The following COL12A1 variants were observed in gnomAD, a reference collection of about 807,000 sequenced individuals.
COL12A1 encodes collagen type XII alpha 1 chain, also known as collagen alpha-1(XII) chain.
COL12A1 carries 114 observed loss-of-function variants against 349.7 expected under a neutral mutation model. That is an observed-to-expected ratio of 0.33 (90% CI 0.28 to 0.38). COL12A1 has a LOEUF of 0.38. Among genes scored for constraint, COL12A1 ranks in the 10% least tolerant of loss-of-function variants. COL12A1 has a pLI of 1.00. For synonymous variants in COL12A1, 1,369 were observed against 1,329.0 expected (o/e 1.03, Z -0.66); for missense variants, 3,284 against 3,756.9 (o/e 0.87, Z 3.29).
Position 75,124,096 on chromosome 6 carries a change from T to C in COL12A1, c.6725-2A>G. 1 of 1,611,458 alleles carries C rather than the reference T, an allele frequency of 6.2e-7. No individual in the cohort carries two copies. The highest frequency in any genetic ancestry group is 8.5e-7 in the Non-Finnish European group (1 of 1,178,162). ...CTGTAATTTCTTGTCCCCTTGTTCCTGATTATGACAACAAAGGAAAATGCC... is the reference window on the plus strand; with the variant it reads ...CTGTAATTTCTTGTCCCCTTGTTCCCGATTATGACAACAAAGGAAAATGCC... On this transcript the variant is annotated splice_acceptor_variant, in intron 41 of 65. Transcript: ENST00000322507. LOFTEE classifies it high-confidence loss of function.
At chr6:75,163,907 G>T (rs1024183167) in intron 14 of COL12A1, among the ~76,000 whole-genome samples, 5 of 152,012 alleles carry the variant, frequency 3.3e-5, no homozygotes, top group African/African-American at 1.2e-4. Context: ...ATAATTTCTG[G>T]AGGAAAAAAA....
At chr6:75,170,773 C>A (rs1448949238) in intron 13 of COL12A1, among the ~76,000 whole-genome samples, 2 of 152,138 alleles carry the variant, frequency 1.3e-5, no homozygotes. Flanking sequence ...AACACAGAGG[C>A]CTTGTTTAGT....
intron 41 of COL12A1, 38 bp from the exon 42 acceptor site, chr6:75,124,132 C>T (rs1236904522): frequency 1.3e-6 from 2 of 1,598,882 alleles, no homozygotes; most frequent in South Asian, 1.1e-5. Flanking sequence ...AGTGTCATCA[C>T]CAATTATATT....
At chr6:75,126,864 A>G (rs1191996114) in intron 38 of COL12A1, among the ~76,000 whole-genome samples, 2 of 152,128 alleles carry the variant, frequency 1.3e-5, no homozygotes, top group African/African-American at 4.8e-5. Flanking sequence ...CATCAAATAC[A>G]TAAGATATTA....
At chr6:75,188,558 C>G in intron 7 of COL12A1, 23 bp from the exon 8 acceptor site, 1 of 1,605,252 alleles carries the variant, frequency 6.2e-7, no homozygotes, top group South Asian at 1.1e-5. Flanking sequence ...AGGATAAGGA[C>G]ATATTGAAAT....
chr6:75,102,783 G>A, intron 55 of COL12A1, 91 bp from the exon 56 acceptor site: 1 of 632,354 alleles, frequency 1.6e-6, no homozygotes, highest in Non-Finnish European at 2.4e-6. Context: ...ATAACTCTAA[G>A]ACATCAATCA....
At chr6:75,093,185 T>C (rs1200351514) in intron 60 of COL12A1, among the ~76,000 whole-genome samples, 1 of 152,206 alleles carries the variant, frequency 6.6e-6, no homozygotes, top group Non-Finnish European at 1.5e-5. Flanking sequence ...GTTTTGTCTA[T>C]ATACCCCCCA....
At chr6:75,142,199 A>C in intron 26 of COL12A1, 38 bp from the exon 27 acceptor site, 2 of 1,612,656 alleles carry the variant, frequency 1.2e-6, no homozygotes, top group Non-Finnish European at 8.5e-7. Flanking sequence ...ACTTTTACAA[A>C]GGGTTTACTT....
rs1257216169 is a variant in COL12A1, at chr6:75,128,398, C to T, written c.6238G>A (p.Val2080Ile). The T allele has an allele frequency of 1.9e-6, 3 of 1,605,008 alleles. No individual in the cohort carries two copies. The highest frequency in any genetic ancestry group is 2.3e-5 in the East Asian group (1 of 44,444). Residue 2080 changes from valine to isoleucine, a missense_variant, in exon 38 of 66, where the codon GTA (valine) becomes ATA (isoleucine). Coordinates refer to ENST00000322507, the MANE Select transcript of COL12A1 (RefSeq NM_004370.6). ...TCAGGTTGCAGGGGCTGCAGTATTA[C>T]ATTGTTTCTTCTGCCTGGGACTGTG... ...YTTVPGRRNN[V>I]ILQPLQPDTP...
At chr6:75,137,398 T>C (rs530085909) in intron 31 of COL12A1, 39 bp downstream of exon 31, 3 of 1,520,262 alleles carry the variant, frequency 2.0e-6, no homozygotes, top group South Asian at 1.3e-5. Flanking sequence ...AGAGAAATGG[T>C]AGAATTAATC....
intron 43 of COL12A1, among the ~76,000 whole-genome samples, chr6:75,122,821 A>G (rs1330050328): frequency 6.6e-6 from 1 of 152,238 alleles, no homozygotes; most frequent in Non-Finnish European, 1.5e-5. Context: ...TGAGAGATCA[A>G]CCTTAATAAA....
intron 25 of COL12A1, among the ~76,000 whole-genome samples, chr6:75,143,640 A>G (rs1767027454): frequency 6.6e-6 from 1 of 152,182 alleles, no homozygotes; most frequent in South Asian, 2.1e-4. Flanking sequence ...ATTATATATT[A>G]CTCTTCTTCC....
chr6:75,195,969 T>A (rs1770209408), intron 2 of COL12A1, among the ~76,000 whole-genome samples: 2 of 152,182 alleles, frequency 1.3e-5, no homozygotes, highest in South Asian at 2.1e-4. Context: ...ACAGAAATAG[T>A]TTACATACAA....
At chr6:75,097,367 T>C in intron 58 of COL12A1, 61 bp from the exon 59 acceptor site, 3 of 1,391,444 alleles carry the variant, frequency 2.2e-6, no homozygotes, top group Non-Finnish European at 2.0e-6. Context: ...AAAGAAAAGA[T>C]GCTAAACAGG....
At chr6:75,166,884 T>C (rs1338210964) in intron 13 of COL12A1, among the ~76,000 whole-genome samples, 2 of 152,066 alleles carry the variant, frequency 1.3e-5, no homozygotes, top group Non-Finnish European at 2.9e-5. Context: ...AAACCTATCA[T>C]ATATGGTCGA....
At chr6:75,093,662 CATATT>C (rs1358912945) in intron 60 of COL12A1, among the ~76,000 whole-genome samples, 1 of 152,110 alleles carries the variant, frequency 6.6e-6, no homozygotes, top group Non-Finnish European at 1.5e-5. Context: ...TGTGGAAACA[CATATT>C]GTATTTGGAG....
chr6:75,165,367 T>G, intron 14 of COL12A1, 140 bp downstream of exon 14: 1 of 1,193,106 alleles, frequency 8.4e-7, no homozygotes, highest in Non-Finnish European at 1.2e-6. Context: ...TTAAGCCAAA[T>G]TCTTTAAAGA....
At chr6:75,118,934 G>A in intron 46 of COL12A1, 109 bp downstream of exon 46, 2 of 1,466,282 alleles carry the variant, frequency 1.4e-6, no homozygotes, top group Non-Finnish European at 1.9e-6. Context: ...CGTGCAGAGT[G>A]AAACAGAAAC....
At chr6:75,195,173 G>T (rs1770155926) in intron 2 of COL12A1, among the ~76,000 whole-genome samples, 1 of 152,128 alleles carries the variant, frequency 6.6e-6, no homozygotes, top group African/African-American at 2.4e-5. Flanking sequence ...TTTGATTCTT[G>T]AGTTGCTAGG....
Sources: gnomAD v4.1 joint callset for allele counts (sites outside exome capture counted in the v4.1 genomes callset) on GRCh38, gnomAD v4.1.1 for gene constraint, MANE v1.5 for transcripts, NCBI Gene and HGNC (gene_info 2026-07-23, HGNC 2026-07-21) for gene names.